The following TP73 variants were observed in gnomAD, a reference collection of about 807,000 sequenced individuals.
TP73 encodes p53-like transcription factor.
Under a neutral mutation model 62.5 loss-of-function variants are expected in TP73, and 25 were observed. The ratio of observed to expected loss-of-function variants is 0.40; its 90% CI spans 0.29 to 0.56. TP73 has a LOEUF of 0.56. Among genes scored for constraint, TP73 ranks in the 20% least tolerant of loss-of-function variants. TP73 has a pLI of 0.46. For missense variants in TP73, 754 were observed against 913.3 expected, an observed-to-expected ratio of 0.83 and a Z score of 2.25; for synonymous variants, 423 against 377.5, an observed-to-expected ratio of 1.12 and a Z score of -1.40.
At chr1:3,724,613 C>G (rs1469653807) in intron 6 of TP73, among the ~76,000 whole-genome samples, 1 of 152,230 alleles carries the variant, frequency 6.6e-6, no homozygotes, top group Non-Finnish European at 1.5e-5. Context: ...CGTGTGACAG[C>G]AGTTCTGAGA....
In TP73 at chr1:3,707,677, C is replaced by T. The variant is rs958325999; in HGVS notation, c.315C>T (p.Thr105=). Residue 105 remains threonine (T), a synonymous_variant, in exon 4 of 14, where the codon ACC becomes ACT. Coordinates refer to ENST00000378295, the MANE Select transcript of TP73 (RefSeq NM_005427.4). ...CGCCCTACGCACAACCCAGCTCCAC[C>T]TTCGACACCATGTCGCCGGCGCCTG... The part of the protein sequence containing the change: ...THSPYAQPSS[T]FDTMSPAPVI... The T allele has an allele frequency of 6.2e-7, 1 of 1,613,276 alleles. No individual in the cohort carries two copies. The highest frequency in any genetic ancestry group is 1.3e-5 in the African/African-American group (1 of 75,064).
intron 1 of TP73, among the ~76,000 whole-genome samples, chr1:3,657,591 C>G (rs1557477513): frequency 6.6e-6 from 1 of 152,204 alleles, no homozygotes; most frequent in Non-Finnish European, 1.5e-5. Context: ...GTGTATTTTG[C>G]TTCATGTATT....
intron 3 of TP73, among the ~76,000 whole-genome samples, chr1:3,691,690 G>A (rs1299271996): frequency 6.6e-6 from 1 of 152,194 alleles, no homozygotes; most frequent in Non-Finnish European, 1.5e-5. Flanking sequence ...AAGGTGGAAG[G>A]CTCGGCACAG....
chr1:3,673,803 G>A (rs953379904), intron 1 of TP73, among the ~76,000 whole-genome samples: 6 of 152,244 alleles, frequency 3.9e-5, no homozygotes, highest in African/African-American at 9.6e-5. Context: ...TCAATGTACC[G>A]GTGAAGATAG....
At chr1:3,688,983 G>C (rs1645737318) in intron 3 of TP73, among the ~76,000 whole-genome samples, 1 of 152,180 alleles carries the variant, frequency 6.6e-6, no homozygotes. Context: ...CCTTTGGCAG[G>C]AGAGGACACC....
intron 3 of TP73, among the ~76,000 whole-genome samples, chr1:3,693,089 G>GCAGGGCCCAGAGC (rs201851670): frequency 0.02 from 2,969 of 152,000 alleles, 102 homozygotes; most frequent in African/African-American, 0.068. Flanking sequence ...GCAGGTGGAG[G>GCAGGGCCCAGAGC]CAGTGCCCAG....
At chr1:3,728,950 T>G (rs1459550331) in intron 9 of TP73, among the ~76,000 whole-genome samples, 2 of 152,080 alleles carry the variant, frequency 1.3e-5, no homozygotes, top group African/African-American at 4.8e-5. Context: ...ATGATGCCAC[T>G]GCACTCTAGC....
intron 1 of TP73, among the ~76,000 whole-genome samples, chr1:3,665,693 C>A (rs1645096653): frequency 6.7e-6 from 1 of 148,250 alleles, no homozygotes; most frequent in Non-Finnish European, 1.5e-5. Flanking sequence ...CTCTCTCTGT[C>A]ACCCAGGCTG....
intron 1 of TP73, among the ~76,000 whole-genome samples, chr1:3,673,270 C>G (rs1257103172): frequency 6.6e-6 from 1 of 152,200 alleles, no homozygotes; most frequent in Non-Finnish European, 1.5e-5. Context: ...AGGGACCCGG[C>G]AGCCAGCAGA....
intron 3 of TP73, among the ~76,000 whole-genome samples, chr1:3,693,093 T>C (rs113465408): frequency 0.02 from 2,976 of 151,980 alleles, 101 homozygotes; most frequent in African/African-American, 0.068. Context: ...GTGGAGGCAG[T>C]GCCCAGAGCC....
intron 1 of TP73, among the ~76,000 whole-genome samples, chr1:3,681,657 G>A (rs1390943307): frequency 6.6e-6 from 1 of 152,160 alleles, no homozygotes; most frequent in Non-Finnish European, 1.5e-5. Context: ...CTCAGAAGGC[G>A]AGGGGGCGTC....
chr1:3,689,583 G>A (rs376867321), intron 3 of TP73, among the ~76,000 whole-genome samples: 32 of 152,074 alleles, frequency 2.1e-4, no homozygotes, highest in East Asian at 1.9e-3. Context: ...AGCTCTGCCC[G>A]CTCTCCCGGG....
chr1:3,707,649 A>G lies in TP73; in HGVS notation c.287A>G (p.His96Arg), dbSNP rs1639783310. ...TPEHAASVPT[H>R]SPYAQPSSTF... ...GAGCACGCCGCCAGCGTGCCCACCC[A>G]CTCGCCCTACGCACAACCCAGCTCC... The change falls in exon 4 of 14, where the codon CAC becomes CGC. Residue 96 changes from histidine to arginine, a missense_variant. Physicochemically the swap from His to Arg is conservative, Grantham distance 29. Coordinates refer to ENST00000378295, the MANE Select transcript of TP73 (RefSeq NM_005427.4). 1 of 1,611,654 alleles carries G rather than the reference A, an allele frequency of 6.2e-7. No individual in the cohort carries two copies. The highest frequency in any genetic ancestry group is 8.5e-7 in the Non-Finnish European group (1 of 1,179,652).
chr1:3,690,649 G>A (rs966832210), intron 3 of TP73: 67 of 1,391,070 alleles, frequency 4.8e-5, no homozygotes, highest in Non-Finnish European at 5.8e-5. Context: ...GGAATAAAGG[G>A]GTGGGCCGCG....
rs1642140814 is a variant in TP73, at chr1:3,731,553, T to C, written c.1575T>C (p.Ile525=). Reference sequence around the variant, plus strand: ...TTTACCACCTGCAGAACCTGACCATTGAGGTAACGCCCGGGTGGACCCCGC... The same window carrying C: ...TTTACCACCTGCAGAACCTGACCATCGAGGTAACGCCCGGGTGGACCCCGC... ...QSIYHLQNLT[I]EDLGALKIPE... The change falls in exon 13 of 14, where the codon ATT becomes ATC. Residue 525 remains isoleucine (I), a synonymous_variant. Coordinates refer to ENST00000378295, the MANE Select transcript of TP73 (RefSeq NM_005427.4). 1.9e-6 allele frequency: 3 copies of C among 1,613,546 alleles called. No homozygotes were observed. The highest frequency in any genetic ancestry group is 3.3e-4 in the Middle Eastern group (2 of 6,054).
chr1:3,661,851 T>TTA (rs896743099), intron 1 of TP73, among the ~76,000 whole-genome samples: 4 of 147,784 alleles, frequency 2.7e-5, no homozygotes, highest in Admixed American at 6.8e-5. Context: ...AATATATGTA[T>TTA]TATATATATA....
intron 6 of TP73, 90 bp from the exon 7 acceptor site, chr1:3,727,025 C>A: frequency 9.0e-7 from 1 of 1,116,988 alleles, no homozygotes. Flanking sequence ...TACGTGGAGC[C>A]AGGACCAGAC....
intron 6 of TP73, among the ~76,000 whole-genome samples, chr1:3,725,164 A>T (rs1641401485): frequency 6.6e-6 from 1 of 152,142 alleles, no homozygotes; most frequent in Non-Finnish European, 1.5e-5. Context: ...ACACACACGT[A>T]GGGCCACAAA....
At chr1:3,691,356 CTT>C (rs1645823718) in intron 3 of TP73, among the ~76,000 whole-genome samples, 2 of 152,300 alleles carry the variant, frequency 1.3e-5, no homozygotes, top group South Asian at 4.1e-4. Context: ...TAGAAGTCAT[CTT>C]TGCTCCTGGG....
Sources: gnomAD v4.1 joint callset for allele counts (sites outside exome capture counted in the v4.1 genomes callset) on GRCh38, gnomAD v4.1.1 for gene constraint, MANE v1.5 for transcripts, NCBI Gene and HGNC (gene_info 2026-07-23, HGNC 2026-07-21) for gene names.